STARD9: variants seen among roughly 807,000 people sequenced by gnomAD.
STARD9 encodes the protein stAR-related lipid transfer protein 9.
In STARD9, 346 loss-of-function variants were observed where a neutral mutation model predicts 399.8. The observed-to-expected ratio is 0.87, with a 90% CI of 0.79 to 0.95. STARD9 has a LOEUF of 0.95. Among genes scored for constraint, STARD9 ranks in the 40% least tolerant of loss-of-function variants. The pLI, the probability that STARD9 is intolerant of heterozygous loss-of-function variation, is 0.00. For missense variants in STARD9, 5,832 were observed against 5,667.5 expected (o/e 1.03, Z -0.93); for synonymous variants, 2,203 against 2,143.5 (o/e 1.03, Z -0.77).
intron 27 of STARD9, 37 bp downstream of exon 27, chr15:42,716,801 T>C: frequency 3.9e-6 from 6 of 1,523,744 alleles, no homozygotes; most frequent in Admixed American, 2.0e-5. Flanking sequence ...GCCAGCTGCC[T>C]GGTTTGGGGA....
intron 9 of STARD9, among the ~76,000 whole-genome samples, chr15:42,657,556 A>G (rs766798280): frequency 7.9e-5 from 12 of 152,236 alleles, no homozygotes; most frequent in Non-Finnish European, 1.3e-4. Context: ...TGGATATTTC[A>G]GTACCTAATT....
chr15:42,613,072 G>A (rs1350415179), intron 3 of STARD9, among the ~76,000 whole-genome samples: 1 of 151,420 alleles, frequency 6.6e-6, no homozygotes, highest in East Asian at 1.9e-4. Context: ...ACTTTTTCTG[G>A]TTCCCTCAGG....
At chr15:42,623,347 A>AT (rs2059129929) in intron 3 of STARD9, among the ~76,000 whole-genome samples, 1 of 152,030 alleles carries the variant, frequency 6.6e-6, no homozygotes, top group Non-Finnish European at 1.5e-5. Context: ...CAAATATAAT[A>AT]TTTATGTCTC....
chr15:42,661,694 C>T (rs770559166), intron 10 of STARD9, among the ~76,000 whole-genome samples: 1 of 151,856 alleles, frequency 6.6e-6, no homozygotes, highest in Non-Finnish European at 1.5e-5. Flanking sequence ...TGGCCTTGGG[C>T]GATTCATCTG....
chr15:42,610,522 A>G (rs892568019), intron 3 of STARD9, among the ~76,000 whole-genome samples: 4 of 152,242 alleles, frequency 2.6e-5, no homozygotes, highest in Non-Finnish European at 4.4e-5. Flanking sequence ...GTTTGCTGCA[A>G]TAGCCAAACT....
chr15:42,662,766 T>C (rs1191269216), intron 10 of STARD9, 28 bp from the exon 11 acceptor site: 2 of 1,477,378 alleles, frequency 1.4e-6, no homozygotes, highest in Non-Finnish European at 1.8e-6. Context: ...TTTGCTTTTG[T>C]TTTTGTTTTT....
At chr15:42,597,999 T>C (rs1222386601) in intron 3 of STARD9, among the ~76,000 whole-genome samples, 1 of 25,572 alleles carries the variant, frequency 3.9e-5, no homozygotes, top group African/African-American at 7.5e-5. Flanking sequence ...TGTATATATA[T>C]ATGTGTGTGT....
chr15:42,635,215 G>A (rs1356379047), intron 4 of STARD9, among the ~76,000 whole-genome samples: 2 of 148,984 alleles, frequency 1.3e-5, no homozygotes, highest in Admixed American at 6.7e-5. Flanking sequence ...AACTGAGATC[G>A]TGCCATTGCA....
intron 16 of STARD9, chr15:42,671,047 A>T (rs1381262646): frequency 6.6e-6 from 1 of 151,252 alleles, no homozygotes. Flanking sequence ...GTCGCAGCAG[A>T]GGGTTAAAGG....
chr15:42,598,542 A>G (rs957285435), intron 3 of STARD9, among the ~76,000 whole-genome samples: 1 of 151,406 alleles, frequency 6.6e-6, no homozygotes, highest in Non-Finnish European at 1.5e-5. Context: ...CTTCAGCTTT[A>G]TATTTTTTCC....
intron 9 of STARD9, among the ~76,000 whole-genome samples, chr15:42,655,340 A>G (rs565647014): frequency 1.5e-4 from 23 of 152,326 alleles, no homozygotes; most frequent in South Asian, 4.1e-4. Flanking sequence ...AAACTATACT[A>G]TAAGGCCAAT....
chr15:42,717,710 G>T (rs1240797973), intron 28 of STARD9, 21 bp from the exon 29 acceptor site: 1 of 1,536,682 alleles, frequency 6.5e-7, no homozygotes, highest in Non-Finnish European at 8.7e-7. Context: ...CCTAATTTGG[G>T]TGTGGCCATT....
intron 9 of STARD9, among the ~76,000 whole-genome samples, chr15:42,653,248 G>A (rs887051055): frequency 6.6e-6 from 1 of 152,188 alleles, no homozygotes; most frequent in Non-Finnish European, 1.5e-5. Context: ...CACTTCCATT[G>A]TGATGGATTG....
chr15:42,662,023 C>T (rs1011718898), intron 10 of STARD9, among the ~76,000 whole-genome samples: 3 of 151,966 alleles, frequency 2.0e-5, no homozygotes, highest in African/African-American at 7.3e-5. Context: ...TTGTGGTGCA[C>T]ATCTGTAGTC....
At chr15:42,601,847 T>TTTTA (rs1251717102) in intron 3 of STARD9, among the ~76,000 whole-genome samples, 4 of 152,166 alleles carry the variant, frequency 2.6e-5, no homozygotes, top group South Asian at 2.1e-4. Flanking sequence ...TTTTACTTTA[T>TTTTA]TTTATTTATT....
intron 3 of STARD9, among the ~76,000 whole-genome samples, chr15:42,622,896 G>T (rs1393821751): frequency 6.6e-6 from 1 of 152,212 alleles, no homozygotes; most frequent in Non-Finnish European, 1.5e-5. Flanking sequence ...GGGACATTAT[G>T]TGGGGCTTCA....
chr15:42,718,212 C>CT, intron 30 of STARD9, 33 bp downstream of exon 30: 1 of 1,525,050 alleles, frequency 6.6e-7, no homozygotes, highest in Non-Finnish European at 8.8e-7. Flanking sequence ...TCCATGGGGC[C>CT]TAGTTTCTGG....
chr15:42,650,970 C>G (rs905687731), intron 7 of STARD9, 46 bp from the exon 8 acceptor site: 1 of 1,342,388 alleles, frequency 7.4e-7, no homozygotes, highest in Non-Finnish European at 1.0e-6. Flanking sequence ...TAAAGTTTAC[C>G]AAAAATCTCA....
chr15:42,685,001 T>G lies in STARD9; in HGVS notation c.3423T>G (p.Ser1141Arg). Residue 1141 changes from serine to arginine, a missense_variant, in exon 23 of 33, where the codon AGT (serine) becomes AGG (arginine). By Grantham distance (110) the Ser-to-Arg change is moderately radical (BLOSUM62 -1). Around this residue, in one of 2 missense-constraint regions of STARD9, gnomAD observed 5,828 missense variants for 5,651.1 expected, o/e 1.03. Transcript: ENST00000290607. ...TCCCAGAGCCAGAGAACTCTGAAAGTGATGACAGCCAACTATCTGAGGACT... is the reference window on the plus strand; with the variant it reads ...TCCCAGAGCCAGAGAACTCTGAAAGGGATGACAGCCAACTATCTGAGGACT... ...WDFPEPENSESDDSQLSEDSL... is the reference protein window; with the variant it reads ...WDFPEPENSERDDSQLSEDSL... 6.5e-7 allele frequency: 1 copy of G among 1,537,006 alleles called. No homozygotes were observed. The highest frequency in any genetic ancestry group is 8.7e-7 in the Non-Finnish European group (1 of 1,146,910).
Sources: allele counts gnomAD v4.1 joint callset (sites outside exome capture counted in the v4.1 genomes callset), GRCh38; gene constraint gnomAD v4.1.1; regional missense constraint gnomAD v4.1.1; transcripts MANE v1.5; gene names NCBI Gene and HGNC (gene_info 2026-07-23, HGNC 2026-07-21).